Variants in FNTA observed in about 807,000 individuals in gnomAD.
The protein encoded by FNTA is farnesyltransferase, CAAX box, subunit alpha, also known as protein farnesyltransferase/geranylgeranyltransferase type-1 subunit alpha.
FNTA carries 27 observed loss-of-function variants against 55.2 expected under a neutral mutation model. That is an observed-to-expected ratio of 0.49 (90% CI 0.36 to 0.67). The LOEUF is 0.67. Ranked by LOEUF, FNTA falls within the 30% of genes least tolerant of loss-of-function variation. FNTA has a pLI of 0.00. For missense variants in FNTA, 422 were observed against 464.7 expected, an observed-to-expected ratio of 0.91 and a Z score of 0.85; for synonymous variants, 176 against 170.7, an observed-to-expected ratio of 1.03 and a Z score of -0.24.
At chr8:43,061,971 G>T (rs563045283) in intron 2 of FNTA, among the ~76,000 whole-genome samples, 1 of 152,054 alleles carries the variant, frequency 6.6e-6, no homozygotes, top group Non-Finnish European at 1.5e-5. Context: ...CGCCCACCTC[G>T]GCCTCCCAGA....
At chr8:43,060,656 CAA>C (rs1045879823) in intron 2 of FNTA, among the ~76,000 whole-genome samples, 1 of 137,664 alleles carries the variant, frequency 7.3e-6, no homozygotes, top group Non-Finnish European at 1.5e-5. Flanking sequence ...GTCTGGACGA[CAA>C]GAGCAAAACT....
At chr8:43,058,395 AT>A in intron 1 of FNTA, among the ~76,000 whole-genome samples, 1 of 152,308 alleles carries the variant, frequency 6.6e-6, no homozygotes, top group South Asian at 2.1e-4. Context: ...AATTCCTAGT[AT>A]TTTGTTACTC....
In FNTA at chr8:43,056,440, C is replaced by T; in HGVS notation, c.94C>T (p.Gln32Ter). The change falls in exon 1 of 9, where the codon CAG (glutamine) becomes TAG (stop). Residue 32 changes from glutamine (Q) to a stop codon, truncating the protein, a stop_gained. Coordinates refer to ENST00000302279, the MANE Select transcript of FNTA (RefSeq NM_002027.3). LOFTEE classifies it high-confidence loss of function. ...GCCCCAGCCGCACCCACCGCCGCCCCAGCAGCAGCACAAGGAAGAGATGGC... is the reference window on the plus strand; with the variant it reads ...GCCCCAGCCGCACCCACCGCCGCCCTAGCAGCAGCACAAGGAAGAGATGGC... The part of the protein sequence containing the change: ...PPPQPHPPPP[Q>*]QQHKEEMAAE... 6.4e-7 allele frequency: 1 copy of T among 1,550,782 alleles called. No homozygotes were observed. The highest frequency in any genetic ancestry group is 8.7e-7 in the Non-Finnish European group (1 of 1,152,144).
At chr8:43,070,530 A>G (rs950461383) in intron 4 of FNTA, among the ~76,000 whole-genome samples, 7 of 152,196 alleles carry the variant, frequency 4.6e-5, no homozygotes, top group African/African-American at 1.7e-4. Context: ...TTCTGACATC[A>G]CAGGCATTAG....
At chr8:43,073,323 A>G (rs1028022923) in intron 5 of FNTA, among the ~76,000 whole-genome samples, 2 of 152,192 alleles carry the variant, frequency 1.3e-5, no homozygotes, top group African/African-American at 4.8e-5. Context: ...ATAAAACATA[A>G]CCAGTATTTT....
chr8:43,056,683 G>T (rs1308539308), intron 1 of FNTA, 137 bp downstream of exon 1: 4 of 436,964 alleles, frequency 9.2e-6, no homozygotes, highest in Non-Finnish European at 1.4e-5. Flanking sequence ...GCATGGCGCT[G>T]GGCCCGGGCG....
intron 5 of FNTA, among the ~76,000 whole-genome samples, chr8:43,075,794 C>T (rs746396399): frequency 2.6e-5 from 4 of 152,018 alleles, no homozygotes; most frequent in South Asian, 2.1e-4. Flanking sequence ...GCAGCCTGGG[C>T]GACCAAGTGA....
Position 43,059,084 on chromosome 8 carries a change from G to C in FNTA, c.201-8G>C. 1 of 1,610,004 alleles carries C rather than the reference G, an allele frequency of 6.2e-7. No homozygotes were observed. Among genetic ancestry groups the C allele is most frequent in the Non-Finnish European group, 8.5e-7 (1 of 1,177,736 alleles). ...TGTAACCACTGGTTGGGGAATGTCT[G>C]TTTTCAGGGACAGAGCAGAATGGGC... On this transcript the variant is annotated splice_polypyrimidine_tract_variant and splice_region_variant and intron_variant, in intron 1 of 8. Coordinates refer to ENST00000302279, the MANE Select transcript of FNTA (RefSeq NM_002027.3).
chr8:43,076,451 G>A (rs997225833), intron 5 of FNTA, among the ~76,000 whole-genome samples: 11 of 152,272 alleles, frequency 7.2e-5, no homozygotes, highest in African/African-American at 2.4e-4. Context: ...CAGTGGGATT[G>A]CCCATGAGAG....
At chr8:43,078,288 G>A (rs1252969107) in intron 6 of FNTA, 1 of 151,836 alleles carries the variant, frequency 6.6e-6, no homozygotes, top group Non-Finnish European at 1.5e-5. Context: ...CCTATATAAA[G>A]CTGTACAGGC....
intron 2 of FNTA, among the ~76,000 whole-genome samples, chr8:43,060,282 T>C (rs1276171449): frequency 6.6e-6 from 1 of 152,216 alleles, no homozygotes; most frequent in Non-Finnish European, 1.5e-5. Context: ...AACCATAACT[T>C]ATTCAGATTC....
chr8:43,060,108 C>T (rs1199062768), intron 2 of FNTA, among the ~76,000 whole-genome samples: 2 of 152,130 alleles, frequency 1.3e-5, no homozygotes, highest in African/African-American at 4.8e-5. Flanking sequence ...ACGTATTAGG[C>T]AAGATGTAAA....
Position 43,056,541 on chromosome 8 carries a change from G to A in FNTA, c.195G>A (p.Leu65=). The A allele has an allele frequency of 1.3e-6, 2 of 1,482,964 alleles. No homozygotes were observed. Among genetic ancestry groups the A allele is most frequent in the Non-Finnish European group, 1.8e-6 (2 of 1,113,804 alleles). 91.9% of individuals were successfully genotyped at this position (1,482,964 alleles called of 1,614,324 possible). A position where few individuals can be genotyped will look rare whatever the true frequency, so the allele number is the denominator to read the frequency against. Residue 65 remains leucine (L), a synonymous_variant, in exon 1 of 9, where the codon CTG becomes CTA. Coordinates refer to ENST00000302279, the MANE Select transcript of FNTA (RefSeq NM_002027.3). ...FVSLDSPSYV[L]YRDRAEWADI... is the part of the protein sequence containing the mutation. ...GCCTGGACTCGCCCTCCTATGTCCT[G>A]TACAGGTAACGCCCCCGCGGCGGCC...
chr8:43,084,511 C>T (rs1176276330), intron 7 of FNTA, 199 bp from the exon 8 acceptor site: 2 of 455,340 alleles, frequency 4.4e-6, no homozygotes, highest in Admixed American at 8.2e-5. Flanking sequence ...AGCCACTGCA[C>T]CTGGCCAGCT....
At position 43,056,505 on chromosome 8, in the gene FNTA, C is replaced by T. The variant is rs370994529; in HGVS notation, c.159C>T (p.Asp53=). The T allele has an allele frequency of 5.1e-6, 8 of 1,568,256 alleles. No homozygotes were observed. The highest frequency in any genetic ancestry group is 1.8e-5 in the Admixed American group (1 of 54,564). ...AAGCCGTGGCGTCCCCCATGGACGA[C>T]GGGTTTGTGAGCCTGGACTCGCCCT... ...AGEAVASPMD[D]GFVSLDSPSY... is the part of the protein sequence containing the mutation. Residue 53 remains aspartate (D), a synonymous_variant, in exon 1 of 9, where the codon GAC becomes GAT. Coordinates refer to ENST00000302279, the MANE Select transcript of FNTA (RefSeq NM_002027.3).
chr8:43,077,329 C>G lies in FNTA; in HGVS notation c.747C>G (p.Gly249=). The G allele has an allele frequency of 6.2e-7, 1 of 1,613,070 alleles. No homozygotes were observed. Among genetic ancestry groups the G allele is most frequent in the Non-Finnish European group, 8.5e-7 (1 of 1,179,370 alleles). The change falls in exon 6 of 9, where the codon GGC becomes GGG. Residue 249 remains glycine, a synonymous_variant. Coordinates refer to ENST00000302279, the MANE Select transcript of FNTA (RefSeq NM_002027.3). ...QRYFVISNTT[G]YNDRAVLERE... Reference sequence around the variant, plus strand: ...ACTTCGTTATTTCTAACACCACTGGCTACAATGATCGTGCTGTATTGGAGA... The same window carrying G: ...ACTTCGTTATTTCTAACACCACTGGGTACAATGATCGTGCTGTATTGGAGA...
chr8:43,084,199 ACTTAG>A (rs1010949846), intron 7 of FNTA, among the ~76,000 whole-genome samples: 24 of 147,512 alleles, frequency 1.6e-4, no homozygotes, highest in African/African-American at 5.9e-4. Flanking sequence ...AACTTTTTCT[ACTTAG>A]CTTGTAATTA....
intron 4 of FNTA, among the ~76,000 whole-genome samples, chr8:43,071,685 A>T (rs1192849574): frequency 2.1e-5 from 3 of 146,304 alleles, no homozygotes; most frequent in African/African-American, 7.7e-5. Flanking sequence ...CAAGAGCGAG[A>T]CTTCGTCTCA....
intron 6 of FNTA, chr8:43,080,630 A>T (rs1811003338): frequency 6.6e-6 from 1 of 152,222 alleles, no homozygotes; most frequent in African/African-American, 2.4e-5. Flanking sequence ...TACTAGCCAC[A>T]TATGGCTATT....
Sources: allele counts gnomAD v4.1 joint callset (sites outside exome capture counted in the v4.1 genomes callset), GRCh38; gene constraint gnomAD v4.1.1; transcripts MANE v1.5; gene names NCBI Gene and HGNC (gene_info 2026-07-23, HGNC 2026-07-21).